DEAF1: variants seen among roughly 807,000 people sequenced by gnomAD.
The protein encoded by DEAF1 is deformed epidermal autoregulatory factor 1 homolog.
A neutral mutation model predicts 58.9 loss-of-function variants in DEAF1; 53 were observed. The ratio of observed to expected loss-of-function variants is 0.90; its 90% CI spans 0.72 to 1.13. The LOEUF is 1.13. Among genes scored for constraint, DEAF1 ranks in the 50% most tolerant of loss-of-function variants. The pLI, the probability that DEAF1 is intolerant of heterozygous loss-of-function variation, is 0.00. For synonymous variants in DEAF1, 385 were observed against 340.4 expected (o/e 1.13, Z -1.44); for missense variants, 685 against 791.4 (o/e 0.87, Z 1.61).
At chr11:689,032 G>A (rs1860714815) in intron 2 of DEAF1, among the ~76,000 whole-genome samples, 1 of 152,150 alleles carries the variant, frequency 6.6e-6, no homozygotes. Context: ...CCTTGGCCAA[G>A]TCATCCGGCA....
intron 10 of DEAF1, among the ~76,000 whole-genome samples, chr11:659,958 T>C (rs540694648): frequency 7.8e-4 from 118 of 152,044 alleles, no homozygotes; most frequent in African/African-American, 2.7e-3. Context: ...ACAGGGCAGG[T>C]GGGGCCAGGT....
intron 1 of DEAF1, among the ~76,000 whole-genome samples, chr11:693,167 A>G (rs1198569704): frequency 6.6e-6 from 1 of 152,228 alleles, no homozygotes; most frequent in Non-Finnish European, 1.5e-5. Context: ...AACACACGTC[A>G]GCACATTTCT....
intron 10 of DEAF1, among the ~76,000 whole-genome samples, chr11:658,830 C>T (rs748571351): frequency 6.6e-6 from 1 of 152,254 alleles, no homozygotes; most frequent in Non-Finnish European, 1.5e-5. Flanking sequence ...CATCACACAA[C>T]AGGAACACAC....
At chr11:658,202 G>T (rs1175486849) in intron 10 of DEAF1, among the ~76,000 whole-genome samples, 1 of 152,224 alleles carries the variant, frequency 6.6e-6, no homozygotes, top group African/African-American at 2.4e-5. Context: ...GCTGAGGCAG[G>T]CGGATCACGA....
At chr11:691,412 C>T (rs1402416620) in intron 2 of DEAF1, 89 bp downstream of exon 2, 26 of 1,215,258 alleles carry the variant, frequency 2.1e-5, no homozygotes, top group African/African-American at 7.4e-5. Context: ...GTTCACACAG[C>T]GGGCTGAACC....
chr11:663,642 G>A (rs927350987), intron 10 of DEAF1, among the ~76,000 whole-genome samples: 3 of 150,984 alleles, frequency 2.0e-5, no homozygotes, highest in Admixed American at 6.6e-5. Flanking sequence ...CCTCTGGACT[G>A]ATAAATCAGG....
intron 1 of DEAF1, chr11:694,450 T>C (rs1000848141): frequency 5.1e-6 from 1 of 194,840 alleles, no homozygotes; most frequent in Non-Finnish European, 8.7e-6. Flanking sequence ...TTGTGGCAGG[T>C]GGGGCAGGCT....
In DEAF1 at chr11:644,594, C is replaced by T. The variant is rs765017164; in HGVS notation, c.1654G>A (p.Glu552Lys). Residue 552 changes from glutamate (E) to lysine (K), a missense_variant, in exon 12 of 12, where the codon GAA becomes AAA. Glu to Lys is a moderately conservative substitution (Grantham distance 56). This residue lies in a region of DEAF1 where 343 missense variants were observed against 379.8 expected (regional missense o/e 0.90). Coordinates refer to ENST00000382409, the MANE Select transcript of DEAF1 (RefSeq NM_021008.4). This position sits in a 1 kb window ranked among gnomAD's most constrained non-coding sequence, Gnocchi z 4.3. ...ATCACGCTTTCAGCCACGTGGACTT[C>T]GTCTGCCTGGACGGTGACAGCTGCT... ...QSAAVTVQAD[E>K]VHVAESVMEK... 40 of 1,613,016 alleles carry T rather than the reference C, an allele frequency of 2.5e-5. No homozygotes were observed. The highest frequency in any genetic ancestry group is 3.0e-5 in the Non-Finnish European group (35 of 1,179,962).
intron 1 of DEAF1, chr11:704,385 G>A (rs1861629747): frequency 1.0e-5 from 12 of 1,154,388 alleles, no homozygotes; most frequent in South Asian, 5.1e-5. Context: ...TCGTGGAAGC[G>A]GTGGGAGCAC....
intron 1 of DEAF1, chr11:705,455 G>A (rs1861673186): frequency 6.5e-6 from 1 of 153,548 alleles, no homozygotes; most frequent in African/African-American, 2.4e-5. Flanking sequence ...GTGGGCAGAG[G>A]TGGGGCCTGG....
chr11:681,122 ATG>A (rs1564945405), intron 6 of DEAF1, 33 bp from the exon 7 acceptor site: 1 of 1,613,244 alleles, frequency 6.2e-7, no homozygotes, highest in African/African-American at 1.3e-5. Context: ...CACCACCTTC[ATG>A]TGTGCAAAAG....
At chr11:702,005 G>T (rs551294441) in intron 1 of DEAF1, among the ~76,000 whole-genome samples, 1 of 152,282 alleles carries the variant, frequency 6.6e-6, no homozygotes, top group South Asian at 2.1e-4. Context: ...TCCTGCCGTG[G>T]GGAACGCAAT....
At chr11:678,507 G>T in intron 9 of DEAF1, 187 bp downstream of exon 9, 1 of 805,910 alleles carries the variant, frequency 1.2e-6, no homozygotes, top group Non-Finnish European at 2.0e-6. Flanking sequence ...AATGGACGTG[G>T]CTGTGTGTCA....
rs1564924628 is a variant in DEAF1 at position 653,306 on chromosome 11, GT to G, written c.1593+655del. Among the ~76,000 whole-genome samples, 67 of 89,746 alleles carry G rather than the reference GT, an allele frequency of 7.5e-4. 2 individuals carry two copies. Among genetic ancestry groups the G allele is most frequent in the African/African-American group, 2.5e-3 (54 of 21,184 alleles). The allele number at this position is 89,746 out of a possible 152,430, so 58.9% of individuals were successfully genotyped here. ...CTCAATAATAGAGGAACTGTGGACA[GT>G]CTCTCTCTCGCGTGGCTCTGCAGGG... On this transcript the variant is annotated intron_variant, in intron 11 of 11. Transcript: ENST00000382409.
intron 11 of DEAF1, 79 bp downstream of exon 11, chr11:653,883 A>C: frequency 1.6e-6 from 2 of 1,272,254 alleles, no homozygotes. Context: ...CAGGAGCACA[A>C]GGGGAGGGAG....
intron 1 of DEAF1, among the ~76,000 whole-genome samples, chr11:693,923 G>A (rs1056959941): frequency 6.6e-6 from 1 of 152,238 alleles, no homozygotes; most frequent in African/African-American, 2.4e-5. Context: ...GCAAGAGGAA[G>A]AGGGAGGACT....
chr11:695,977 C>A (rs1861129206), upstream of DEAF1: 14 of 732,816 alleles, frequency 1.9e-5, no homozygotes, highest in South Asian at 7.2e-5. Context: ...AGCGAGACAG[C>A]TCCGTCACCC....
At position 644,328 on chromosome 11, in the gene DEAF1, A is replaced by AT. The variant is rs988370275; in HGVS notation, c.*221dup. The AT allele has an allele frequency of 1.1e-5, 7 of 611,378 alleles. No individual in the cohort carries two copies. Among genetic ancestry groups the AT allele is most frequent in the African/African-American group, 1.1e-4 (6 of 54,410 alleles). The allele number at this position is 611,378 out of a possible 1,614,324, so 37.9% of individuals were successfully genotyped here. A position where few individuals can be genotyped will look rare whatever the true frequency, so the allele number is the denominator to read the frequency against. ...AGACCGGACGCTCATGATCCCAGGG[A>AT]TAAAAAATCTGTCCGCGAGCGGGCA... On this transcript the variant is annotated 3_prime_UTR_variant, in exon 12 of 12. Transcript: ENST00000382409. The surrounding 1 kb of genome is among the most constrained non-coding windows in gnomAD (Gnocchi z 4.3).
chr11:687,796 C>A, intron 4 of DEAF1, 115 bp downstream of exon 4: 1 of 1,445,796 alleles, frequency 6.9e-7, no homozygotes, highest in East Asian at 2.3e-5. Flanking sequence ...GCGCCCAGCC[C>A]TGTCTTCTTA....
Sources: gnomAD v4.1 joint callset for allele counts (sites outside exome capture counted in the v4.1 genomes callset) on GRCh38, gnomAD v4.1.1 for gene constraint, gnomAD v4.1.1 regional missense constraint, Gnocchi (gnomAD v3.1) non-coding constraint, MANE v1.5 for transcripts, NCBI Gene and HGNC (gene_info 2026-07-23, HGNC 2026-07-21) for gene names.